TNNI3K: variants seen among roughly 807,000 people sequenced by gnomAD.
TNNI3K encodes TNNI3 interacting kinase, also known as serine/threonine-protein kinase TNNI3K.
Under a neutral mutation model 114.5 loss-of-function variants are expected in TNNI3K, and 140 were observed. The observed-to-expected ratio is 1.22, with a 90% CI of 1.07 to 1.41. TNNI3K has a LOEUF of 1.41. TNNI3K is among the 40% of genes most tolerant of loss of function. TNNI3K has a pLI of 0.00. For missense variants in TNNI3K, 1,125 were observed against 1,007.6 expected (o/e 1.12, Z -1.58); for synonymous variants, 347 against 347.5 (o/e 1.00, Z 0.02).
intron 17 of TNNI3K, among the ~76,000 whole-genome samples, chr1:74,394,268 C>T (rs1663956050): frequency 6.6e-6 from 1 of 152,144 alleles, no homozygotes; most frequent in African/African-American, 2.4e-5. Flanking sequence ...TTAGGTGTTG[C>T]AATCTCTTTT....
At chr1:74,295,242 A>G (rs368164981) in intron 5 of TNNI3K, among the ~76,000 whole-genome samples, 2 of 152,068 alleles carry the variant, frequency 1.3e-5, no homozygotes, top group South Asian at 4.1e-4. Context: ...GTATTATTGC[A>G]ATGTTTCAAA....
intron 4 of TNNI3K, among the ~76,000 whole-genome samples, chr1:74,253,836 A>G (rs2100855049): frequency 6.6e-6 from 1 of 152,314 alleles, no homozygotes; most frequent in South Asian, 2.1e-4. Context: ...AAGTGCAGCC[A>G]GAGTGGGCGC....
chr1:74,449,249 G>A (rs866941871), intron 20 of TNNI3K, among the ~76,000 whole-genome samples: 1,707 of 151,820 alleles, frequency 0.011, 34 homozygotes, highest in African/African-American at 0.039. Flanking sequence ...GTTTATTTGC[G>A]TAGAGGTGTT....
chr1:74,381,328 G>T (rs545486973), intron 17 of TNNI3K, among the ~76,000 whole-genome samples: 1 of 152,228 alleles, frequency 6.6e-6, no homozygotes, highest in South Asian at 2.1e-4. Context: ...TAATTTCCAA[G>T]ACGGTTATAT....
At chr1:74,359,851 A>G (rs1162358485) in intron 11 of TNNI3K, among the ~76,000 whole-genome samples, 1 of 151,934 alleles carries the variant, frequency 6.6e-6, no homozygotes, top group Admixed American at 6.6e-5. Context: ...GCAAAACTCA[A>G]CAAGTCCAAA....
intron 20 of TNNI3K, among the ~76,000 whole-genome samples, chr1:74,458,228 C>A (rs558928317): frequency 1.3e-5 from 2 of 152,202 alleles, no homozygotes; most frequent in African/African-American, 4.8e-5. Flanking sequence ...AGTAAGAGGG[C>A]AGTCAAGACT....
Position 74,331,511 on chromosome 1 carries a change from C to T in TNNI3K, c.506C>T (p.Thr169Ile), listed in dbSNP as rs201854090. 1.2e-6 allele frequency: 2 copies of T among 1,613,776 alleles called. No homozygotes were observed. Among genetic ancestry groups the T allele is most frequent in the Non-Finnish European group, 1.7e-6 (2 of 1,179,860 alleles). Residue 169 changes from threonine (T) to isoleucine (I), a missense_variant, in exon 6 of 25, where the codon ACT (threonine) becomes ATT (isoleucine). Transcript: ENST00000326637. The part of the protein sequence containing the change: ...NVNIQDAVFF[T>I]PLHIAAYYGH... The stretch of plus-strand genomic sequence containing the variant: ...AATATTCAAGATGCAGTTTTTTTCA[C>T]TCCATTGCATATTGCAGCGTACTAT...
At chr1:74,402,797 T>C (rs1238255428) in intron 17 of TNNI3K, among the ~76,000 whole-genome samples, 11 of 152,220 alleles carry the variant, frequency 7.2e-5, no homozygotes, top group Admixed American at 7.2e-4. Context: ...ACAGGCTACA[T>C]GTGGCCCAGG....
chr1:74,296,720 G>A (rs893522857), intron 5 of TNNI3K, among the ~76,000 whole-genome samples: 3 of 152,154 alleles, frequency 2.0e-5, no homozygotes, highest in Non-Finnish European at 2.9e-5. Flanking sequence ...TTGGACAGGA[G>A]TTTGGTCTTG....
intron 21 of TNNI3K, among the ~76,000 whole-genome samples, chr1:74,485,839 G>C: frequency 6.6e-6 from 1 of 152,100 alleles, no homozygotes; most frequent in South Asian, 2.1e-4. Flanking sequence ...CAGATGGCAA[G>C]AAAACAGACA....
At chr1:74,307,694 A>G (rs1658729699) in intron 5 of TNNI3K, among the ~76,000 whole-genome samples, 1 of 152,180 alleles carries the variant, frequency 6.6e-6, no homozygotes, top group Non-Finnish European at 1.5e-5. Flanking sequence ...GTAACAGTGG[A>G]GGACGGCCAG....
intron 17 of TNNI3K, among the ~76,000 whole-genome samples, chr1:74,399,926 G>A (rs1407551830): frequency 6.6e-6 from 1 of 152,138 alleles, no homozygotes; most frequent in Non-Finnish European, 1.5e-5. Flanking sequence ...GGGAACCAAA[G>A]GCAGATGTCA....
At chr1:74,482,244 C>T (rs1421593201) in intron 21 of TNNI3K, among the ~76,000 whole-genome samples, 1 of 152,118 alleles carries the variant, frequency 6.6e-6, no homozygotes, top group Non-Finnish European at 1.5e-5. Flanking sequence ...TAGACAGAAA[C>T]CCCACTCACA....
At chr1:74,405,791 A>C (rs762229987) in intron 17 of TNNI3K, among the ~76,000 whole-genome samples, 1 of 152,222 alleles carries the variant, frequency 6.6e-6, no homozygotes. Context: ...GAATAAGCCA[A>C]CTGAGGTGTT....
At chr1:74,451,686 T>TCTTTTCTTTTCTTTTC (rs1241357954) in intron 20 of TNNI3K, among the ~76,000 whole-genome samples, 1 of 68,460 alleles carries the variant, frequency 1.5e-5, no homozygotes, top group African/African-American at 4.9e-5. Flanking sequence ...TCTTTTCTTT[T>TCTTTTCTTTTCTTTTC]CTTTCTTTCT....
intron 11 of TNNI3K, among the ~76,000 whole-genome samples, chr1:74,358,466 C>T (rs886330375): frequency 1.3e-5 from 2 of 151,984 alleles, no homozygotes; most frequent in African/African-American, 4.8e-5. Context: ...TGAAATCTTA[C>T]AGTCATGAGT....
chr1:74,357,882 G>A (rs1661747092), intron 11 of TNNI3K, among the ~76,000 whole-genome samples: 1 of 152,040 alleles, frequency 6.6e-6, no homozygotes, highest in African/African-American at 2.4e-5. Context: ...GGACCAGCAT[G>A]AATCAATTTA....
At chr1:74,495,942 G>C (rs528628121) in intron 23 of TNNI3K, among the ~76,000 whole-genome samples, 2 of 152,148 alleles carry the variant, frequency 1.3e-5, no homozygotes, top group Non-Finnish European at 2.9e-5. Context: ...TAAAGTCAGA[G>C]AGCCCAAGGA....
At chr1:74,516,737 T>G (rs1482689861) in intron 23 of TNNI3K, among the ~76,000 whole-genome samples, 1 of 152,174 alleles carries the variant, frequency 6.6e-6, no homozygotes, top group Admixed American at 6.5e-5. Context: ...AATTCCAGCA[T>G]TATTTCTCCA....
Sources: allele counts gnomAD v4.1 joint callset (sites outside exome capture counted in the v4.1 genomes callset), GRCh38; gene constraint gnomAD v4.1.1; transcripts MANE v1.5; gene names NCBI Gene and HGNC (gene_info 2026-07-23, HGNC 2026-07-21).